Variants in ZNF892 observed in about 807,000 individuals in gnomAD.
ZNF892 encodes the protein zinc finger protein 892.
chr2:95,227,922 C>A, the ZNF892 span, among the ~76,000 whole-genome samples: 1 of 152,168 alleles, frequency 6.6e-6, no homozygotes, highest in Non-Finnish European at 1.5e-5. Context: ...CCAACATAAT[C>A]GCAATGCTGT....
At chr2:95,213,569 C>T in the ZNF892 span, among the ~76,000 whole-genome samples, 7 of 152,166 alleles carry the variant, frequency 4.6e-5, no homozygotes, top group Admixed American at 4.6e-4. Flanking sequence ...CAACACACTG[C>T]TGTTTTTCTC....
the ZNF892 span, among the ~76,000 whole-genome samples, chr2:95,209,724 GGCCT>G: frequency 6.6e-6 from 1 of 152,168 alleles, no homozygotes; most frequent in African/African-American, 2.4e-5. Flanking sequence ...GTGTCTGATT[GGCCT>G]GCCTGTGAGT....
the ZNF892 span, among the ~76,000 whole-genome samples, chr2:95,209,195 A>G: frequency 6.6e-6 from 1 of 152,036 alleles, no homozygotes; most frequent in Non-Finnish European, 1.5e-5. Flanking sequence ...AAAACAAGAG[A>G]GAGTGGGTAG....
At chr2:95,223,714 G>GAT in the ZNF892 span, among the ~76,000 whole-genome samples, 2 of 152,082 alleles carry the variant, frequency 1.3e-5, no homozygotes, top group African/African-American at 4.8e-5. Flanking sequence ...GACTTATTGA[G>GAT]ATATAATTTA....
the ZNF892 span, among the ~76,000 whole-genome samples, chr2:95,232,978 T>G: frequency 6.6e-6 from 1 of 152,110 alleles, no homozygotes; most frequent in Admixed American, 6.5e-5. Context: ...TATGTTTAGC[T>G]CCCTAGTTAG....
the ZNF892 span, chr2:95,214,232 C>G: frequency 1.3e-5 from 5 of 396,446 alleles, no homozygotes; most frequent in African/African-American, 1.0e-4. Context: ...GTAAATATTC[C>G]TAACAAAGAA....
At chr2:95,253,142 G>T in the ZNF892 span, among the ~76,000 whole-genome samples, 1 of 152,136 alleles carries the variant, frequency 6.6e-6, no homozygotes, top group Non-Finnish European at 1.5e-5. Context: ...TGGTGTTTTA[G>T]ACATGAAGTC....
the ZNF892 span, among the ~76,000 whole-genome samples, chr2:95,216,972 G>C: frequency 6.6e-6 from 1 of 152,168 alleles, no homozygotes; most frequent in Non-Finnish European, 1.5e-5. Flanking sequence ...GCCATAACAA[G>C]ATAGCATAGA....
At chr2:95,236,633 GTCTT>G in the ZNF892 span, among the ~76,000 whole-genome samples, 2 of 152,162 alleles carry the variant, frequency 1.3e-5, no homozygotes, top group South Asian at 4.1e-4. Context: ...ACTTGTCAGA[GTCTT>G]TCCATGAATC....
At chr2:95,235,959 T>A in the ZNF892 span, among the ~76,000 whole-genome samples, 5 of 152,186 alleles carry the variant, frequency 3.3e-5, no homozygotes, top group African/African-American at 4.8e-5. Context: ...ACTGTCTTCC[T>A]ACAATCACCT....
chr2:95,211,064 A>G, the ZNF892 span, among the ~76,000 whole-genome samples: 1 of 152,148 alleles, frequency 6.6e-6, no homozygotes, highest in Non-Finnish European at 1.5e-5. Flanking sequence ...GAAAAATGAC[A>G]AGAACACTCT....
the ZNF892 span, among the ~76,000 whole-genome samples, chr2:95,236,259 C>T: frequency 6.6e-6 from 1 of 152,220 alleles, no homozygotes; most frequent in Non-Finnish European, 1.5e-5. Flanking sequence ...AATAAGAATA[C>T]TCAAAGTTTC....
At chr2:95,261,789 A>G in the ZNF892 span, among the ~76,000 whole-genome samples, 1 of 152,182 alleles carries the variant, frequency 6.6e-6, no homozygotes, top group African/African-American at 2.4e-5. Flanking sequence ...CTAGTTGAAT[A>G]TGAAAGGAGA....
At chr2:95,262,871 A>G in the ZNF892 span, among the ~76,000 whole-genome samples, 1 of 152,258 alleles carries the variant, frequency 6.6e-6, no homozygotes, top group South Asian at 2.1e-4. Context: ...AAGTTATAGT[A>G]GCAAATAAAG....
At chr2:95,241,855 A>C in the ZNF892 span, among the ~76,000 whole-genome samples, 2 of 152,180 alleles carry the variant, frequency 1.3e-5, no homozygotes, top group African/African-American at 4.8e-5. Context: ...ATACAGTTAC[A>C]AGTATCAATA....
the ZNF892 span, among the ~76,000 whole-genome samples, chr2:95,247,016 T>G: frequency 6.6e-6 from 1 of 152,140 alleles, no homozygotes; most frequent in Non-Finnish European, 1.5e-5. Context: ...ATTTTAAAAT[T>G]CATATGGAAC....
At chr2:95,229,020 T>C in the ZNF892 span, among the ~76,000 whole-genome samples, 1 of 152,148 alleles carries the variant, frequency 6.6e-6, no homozygotes, top group Non-Finnish European at 1.5e-5. Flanking sequence ...TCTTCCTGCC[T>C]TTTTTTCCAG....
chr2:95,254,763 G>A, the ZNF892 span, among the ~76,000 whole-genome samples: 5 of 152,206 alleles, frequency 3.3e-5, no homozygotes, highest in African/African-American at 9.6e-5. Flanking sequence ...TTCAGAGCCT[G>A]TTGTTGGTCT....
the ZNF892 span, chr2:95,214,756 G>T: frequency 6.7e-6 from 3 of 446,630 alleles, no homozygotes; most frequent in East Asian, 1.0e-4. Flanking sequence ...TTGCATCAGA[G>T]AATTCACACA....
Sources: gnomAD v4.1 joint callset for allele counts (sites outside exome capture counted in the v4.1 genomes callset) on GRCh38, gnomAD v4.1.1 for gene constraint, MANE v1.5 for transcripts, NCBI Gene and HGNC (gene_info 2026-07-23, HGNC 2026-07-21) for gene names.